TXNRD1: variants seen among roughly 807,000 people sequenced by gnomAD.
TXNRD1 encodes thioredoxin reductase 1, also known as thioredoxin reductase 1, cytoplasmic.
In TXNRD1, 57 loss-of-function variants were observed where a neutral mutation model predicts 80.3. That is an observed-to-expected ratio of 0.71 (90% confidence interval 0.57 to 0.89). The LOEUF (loss-of-function observed/expected upper bound fraction) is 0.89, where lower values mean the gene tolerates loss of function less well. TXNRD1 is among the 40% of genes least tolerant of loss of function. TXNRD1 has a pLI of 0.00. For synonymous variants in TXNRD1, 291 were observed against 285.2 expected (o/e 1.02, Z -0.20); for missense variants, 730 against 803.0 (o/e 0.91, Z 1.10).
chr12:104,249,857 C>A lies in TXNRD1; in HGVS notation c.92-1670C>A, dbSNP rs370406040. ...GGCTGAGGCAAGAGAATGGCGTGAA[C>A]CCGGGAGGCGGAGCTTGCAGTGAGG... On this transcript the variant is annotated intron_variant, in intron 1 of 16. Coordinates refer to ENST00000525566, the MANE Select transcript of TXNRD1 (RefSeq NM_001093771.3). 1.4e-4 allele frequency among the ~76,000 whole-genome samples: 21 copies of A among 149,498 alleles called. No homozygotes were observed. The East Asian group carries it at 4.1e-3, about 29-fold the overall frequency.
chr12:104,313,140 T>A (rs2035198566), intron 5 of TXNRD1, 105 bp from the exon 6 acceptor site: 1 of 785,538 alleles, frequency 1.3e-6, no homozygotes, highest in Admixed American at 2.6e-5. Context: ...TTATTCGTTA[T>A]GCTTTAAGCT....
At chr12:104,308,897 T>C (rs2035028137) in intron 4 of TXNRD1, among the ~76,000 whole-genome samples, 1 of 124,776 alleles carries the variant, frequency 8.0e-6, no homozygotes, top group Admixed American at 8.5e-5. Context: ...AAACAATGTT[T>C]CTTTTTTTTT....
At chr12:104,239,316 C>T (rs2032808906) in intron 1 of TXNRD1, among the ~76,000 whole-genome samples, 1 of 151,968 alleles carries the variant, frequency 6.6e-6, no homozygotes, top group Non-Finnish European at 1.5e-5. Flanking sequence ...GTCTCAGCCT[C>T]CTGGGTAGCT....
rs1286683471 is a variant in TXNRD1, at chr12:104,315,912, G to A, written c.730+16G>A. On this transcript the variant is annotated intron_variant, in intron 7 of 16. Coordinates refer to ENST00000525566, the MANE Select transcript of TXNRD1 (RefSeq NM_001093771.3). ...GAGGAGACAGGTATGAGAGGGAAAAGCTACTCTTCTGTTTGTGCTTTTGGG... is the reference window on the plus strand; with the variant it reads ...GAGGAGACAGGTATGAGAGGGAAAAACTACTCTTCTGTTTGTGCTTTTGGG... 1 of 1,604,140 alleles carries A rather than the reference G, an allele frequency of 6.2e-7. No individual in the cohort carries two copies. The highest frequency in any genetic ancestry group is 1.1e-5 in the South Asian group (1 of 90,134).
chr12:104,237,017 G>C lies in TXNRD1; in HGVS notation c.92-14510G>C, dbSNP rs193265900. Among the ~76,000 whole-genome samples the C allele has an allele frequency of 1.4e-4, 21 of 150,972 alleles. No homozygotes were observed. The East Asian group carries it at 3.2e-3, about 23-fold the overall frequency. On this transcript the variant is annotated intron_variant, in intron 1 of 16. Transcript: ENST00000525566. ...GGACTGCTGGAGAAAAACAGAGGAG[G>C]CATCACAGACTCCGTTCTGGGGGGG...
intron 3 of TXNRD1, among the ~76,000 whole-genome samples, chr12:104,273,063 CTG>C (rs2033685880): frequency 1.3e-5 from 2 of 152,148 alleles, no homozygotes; most frequent in South Asian, 4.1e-4. Context: ...GCCGCCATGT[CTG>C]CATATCTGCA....
In TXNRD1 at chr12:104,308,082, G is replaced by T. The variant is rs534005528; in HGVS notation, c.415-3208G>T. Among the ~76,000 whole-genome samples, 27 of 151,242 alleles carry T rather than the reference G, an allele frequency of 1.8e-4. 3 individuals carry two copies. In the South Asian group the frequency reaches 4.8e-3, roughly 27 times the overall value. Reference sequence around the variant, plus strand: ...ATGATCTTGGCTCACTGTGAGCTCCGCCTCCCGGGTTCACGCCATTCTCCT... The same window carrying T: ...ATGATCTTGGCTCACTGTGAGCTCCTCCTCCCGGGTTCACGCCATTCTCCT... On this transcript the variant is annotated intron_variant, in intron 4 of 16. Transcript: ENST00000525566.
At chr12:104,287,020 T>C in intron 3 of TXNRD1, 14 of 1,361,388 alleles carry the variant, frequency 1.0e-5, no homozygotes, top group Non-Finnish European at 1.2e-5. Flanking sequence ...CCCTTTCACC[T>C]CAGTTTTCTT....
intron 2 of TXNRD1, among the ~76,000 whole-genome samples, chr12:104,254,333 G>A (rs999213437): frequency 6.6e-6 from 1 of 151,926 alleles, no homozygotes; most frequent in African/African-American, 2.4e-5. Context: ...ACCTTGGGTG[G>A]TTAATCTTCC....
At chr12:104,298,951 C>T (rs982752852) in intron 4 of TXNRD1, among the ~76,000 whole-genome samples, 1 of 152,202 alleles carries the variant, frequency 6.6e-6, no homozygotes, top group Admixed American at 6.5e-5. Context: ...CCCTCGGTAT[C>T]TTCAGGGGAT....
At chr12:104,304,886 G>A in intron 4 of TXNRD1, 7 of 1,611,546 alleles carry the variant, frequency 4.3e-6, no homozygotes, top group Non-Finnish European at 5.9e-6. Context: ...GAAAAACATT[G>A]TGGCAGCTTT....
chr12:104,263,752 G>C (rs2033417878), intron 3 of TXNRD1, among the ~76,000 whole-genome samples: 1 of 152,172 alleles, frequency 6.6e-6, no homozygotes, highest in Non-Finnish European at 1.5e-5. Flanking sequence ...CTAGCTTAGG[G>C]GTTCTGATGT....
chr12:104,265,204 A>T, intron 3 of TXNRD1: 1 of 1,052,124 alleles, frequency 9.5e-7, no homozygotes, highest in Non-Finnish European at 1.4e-6. Context: ...GTGAGCTGAG[A>T]TCACACCACT....
At chr12:104,221,510 G>T (rs1209689824) in intron 1 of TXNRD1, among the ~76,000 whole-genome samples, 1 of 151,996 alleles carries the variant, frequency 6.6e-6, no homozygotes, top group East Asian at 1.9e-4. Context: ...AAAGACAAGG[G>T]TTTCTCCATG....
At chr12:104,304,264 T>C (rs548995612) in intron 4 of TXNRD1, 1 of 1,614,074 alleles carries the variant, frequency 6.2e-7, no homozygotes, top group African/African-American at 1.3e-5. Flanking sequence ...TAAACTCAGA[T>C]ATGAACTTCT....
At chr12:104,345,941 A>G in intron 16 of TXNRD1, 1 of 1,287,784 alleles carries the variant, frequency 7.8e-7, no homozygotes, top group Non-Finnish European at 1.0e-6. Context: ...CCTTCTGCTC[A>G]TTTTTTAAAA....
chr12:104,242,095 A>G (rs2032884203), intron 1 of TXNRD1, among the ~76,000 whole-genome samples: 1 of 150,696 alleles, frequency 6.6e-6, no homozygotes, highest in Admixed American at 6.6e-5. Flanking sequence ...ACGCCACCAC[A>G]CCTGGCTATT....
At chr12:104,287,233 A>G (rs1593752765) in intron 3 of TXNRD1, 1 of 1,612,092 alleles carries the variant, frequency 6.2e-7, no homozygotes, top group Admixed American at 1.7e-5. Context: ...GTCTCGGGGA[A>G]GGGAAGATAT....
chr12:104,342,584 CTCAT>C (rs1312276703), intron 16 of TXNRD1, among the ~76,000 whole-genome samples: 1 of 152,128 alleles, frequency 6.6e-6, no homozygotes, highest in Non-Finnish European at 1.5e-5. Flanking sequence ...AAGCGGATGG[CTCAT>C]TCAAGGAACT....
Sources: allele counts gnomAD v4.1 joint callset (sites outside exome capture counted in the v4.1 genomes callset), GRCh38; gene constraint gnomAD v4.1.1; transcripts MANE v1.5; gene names NCBI Gene and HGNC (gene_info 2026-07-23, HGNC 2026-07-21).